The following GLIPR1 variants were observed in gnomAD, a reference collection of about 807,000 sequenced individuals.
GLIPR1 encodes glioma pathogenesis-related protein 1.
GLIPR1 carries 38 observed loss-of-function variants against 30.3 expected under a neutral mutation model. That is an observed-to-expected ratio of 1.26 (90% CI 0.97 to 1.65). The LOEUF is 1.65. Among genes scored for constraint, GLIPR1 ranks in the 40% most tolerant of loss-of-function variants. The probability of loss-of-function intolerance (pLI) is 0.00; values close to 1 mark genes in which losing one functional copy is unlikely to be tolerated. For missense variants in GLIPR1, 285 were observed against 326.5 expected, an observed-to-expected ratio of 0.87 and a Z score of 0.98; for synonymous variants, 122 against 110.6, an observed-to-expected ratio of 1.10 and a Z score of -0.65.
At position 75,500,433 on chromosome 12, in the gene GLIPR1, CAA is replaced by C. The variant is rs1275912038; in HGVS notation, c.*1458_*1459del. The C allele has an allele frequency of 6.6e-6, 1 of 151,780 alleles. No homozygotes were observed. The highest frequency in any genetic ancestry group is 2.4e-5 in the African/African-American group (1 of 41,338). The allele number at this position is 151,780 out of a possible 1,614,324, so 9.4% of individuals were successfully genotyped here. On this transcript the variant is annotated 3_prime_UTR_variant, in exon 6 of 6. Coordinates refer to ENST00000266659, the MANE Select transcript of GLIPR1 (RefSeq NM_006851.3). The stretch of plus-strand genomic sequence containing the variant: ...GGTCAAAATCTACTTCCTCTAATAT[CAA>C]AACGAAAATTTAAAGTTTTCCAAAT...
At chr12:75,487,332 T>C (rs2046297950) in intron 2 of GLIPR1, among the ~76,000 whole-genome samples, 1 of 152,154 alleles carries the variant, frequency 6.6e-6, no homozygotes, top group Non-Finnish European at 1.5e-5. Context: ...ACTTGAGATA[T>C]AGAATAAAAT....
rs773919757 is a variant in GLIPR1 at position 75,501,712 on chromosome 12, GAAAGC to G, written c.*2736_*2740del. ...AATTAATAAAGACTTTTACATCATA[GAAAGC>G]ATTACCTTCCTTAGGTTTCACAATT... On this transcript the variant is annotated 3_prime_UTR_variant, in exon 6 of 6. Coordinates refer to ENST00000266659, the MANE Select transcript of GLIPR1 (RefSeq NM_006851.3). 200 of 1,546,214 alleles carry G rather than the reference GAAAGC, an allele frequency of 1.3e-4. 1 individual carries two copies. The South Asian group carries it at 2.1e-3, about 17-fold the overall frequency.
intron 2 of GLIPR1, chr12:75,484,466 T>C (rs1242744197): frequency 6.6e-6 from 1 of 152,176 alleles, no homozygotes; most frequent in Non-Finnish European, 1.5e-5. Flanking sequence ...AGAGTTGAGG[T>C]TCAGATATTA....
At chr12:75,487,705 TC>T in intron 2 of GLIPR1, 1 of 452,394 alleles carries the variant, frequency 2.2e-6, no homozygotes, top group South Asian at 1.6e-5. Flanking sequence ...CAACCTCAGC[TC>T]CCCTCTTGCC....
At position 75,490,580 on chromosome 12, in the gene GLIPR1, CAACA is replaced by C. The variant is rs1269076555; in HGVS notation, c.533+65_533+68del. The C allele has an allele frequency of 2.1e-5, 5 of 237,568 alleles. 1 individual carries two copies. The highest frequency in any genetic ancestry group is 1.4e-4 in the African/African-American group (1 of 7,118). The allele number at this position is 237,568 out of a possible 1,614,324, so 14.7% of individuals were successfully genotyped here. On this transcript the variant is annotated intron_variant, in intron 3 of 5. Transcript: ENST00000266659. ...CCCCCCCCCCCGCAAAAAAAAACAA[CAACA>C]AAAAAAAACATTTTAGCAGTATTCC...
rs181937746 is a variant in GLIPR1 at position 75,483,476 on chromosome 12, G to A, written c.420+1397G>A. 7 of 152,286 alleles carry A rather than the reference G, an allele frequency of 4.6e-5. No individual in the cohort carries two copies. The East Asian group carries it at 1.3e-3, about 29-fold the overall frequency. The allele number at this position is 152,286 out of a possible 1,614,324, so 9.4% of individuals were successfully genotyped here. ...TAGTTTATGAGCTAACATTTTATTG[G>A]GATACAATCTTGGAGAAGCGGAAGT... On this transcript the variant is annotated intron_variant, in intron 2 of 5. Coordinates refer to ENST00000266659, the MANE Select transcript of GLIPR1 (RefSeq NM_006851.3).
intron 1 of GLIPR1, chr12:75,481,357 CTTTTT>C (rs72137011): frequency 7.1e-4 from 104 of 145,848 alleles, no homozygotes; most frequent in Middle Eastern, 2.8e-3. Context: ...ATTTGGTTTT[CTTTTT>C]TTTTTTTTTT....
In GLIPR1 at chr12:75,490,436, T is replaced by C; in HGVS notation, c.451T>C (p.Cys151Arg). The change falls in exon 3 of 6, where the codon TGC (cysteine) becomes CGC (arginine). Residue 151 changes from cysteine (C) to arginine (R), a missense_variant. Coordinates refer to ENST00000266659, the MANE Select transcript of GLIPR1 (RefSeq NM_006851.3). ...VVWADSYKVG[C>R]AVQFCPKVSG... ...TTGGGCAGATAGTTACAAAGTTGGC[T>C]GCGCAGTTCAATTTTGCCCTAAAGT... 6.2e-7 allele frequency: 1 copy of C among 1,604,172 alleles called. No individual in the cohort carries two copies. The highest frequency in any genetic ancestry group is 8.5e-7 in the Non-Finnish European group (1 of 1,171,936).
Position 75,499,568 on chromosome 12 carries a change from T to C in GLIPR1, c.*590T>C. On this transcript the variant is annotated 3_prime_UTR_variant, in exon 6 of 6. Transcript: ENST00000266659. ...CTAACCAATAGCATCAGACACTGGA[T>C]TTAATGGATAATCACAATGGTCGTA... is the stretch of plus-strand genomic sequence containing the variant. 4.1e-6 allele frequency: 1 copy of C among 242,730 alleles called. No homozygotes were observed. The highest frequency in any genetic ancestry group is 8.6e-5 in the East Asian group (1 of 11,644). The allele number at this position is 242,730 out of a possible 1,614,324, so 15.0% of individuals were successfully genotyped here. A position where few individuals can be genotyped will look rare whatever the true frequency, so the allele number is the denominator to read the frequency against.
chr12:75,484,669 G>GGGTTGTTCTCT (rs1221579132), intron 2 of GLIPR1: 3 of 152,200 alleles, frequency 2.0e-5, no homozygotes, highest in Non-Finnish European at 2.9e-5. Context: ...CAGTCAAAGG[G>GGGTTGTTCTCT]GGTTGTTCTC....
rs1025960658 is a variant in GLIPR1, at chr12:75,499,625, G to A, written c.*647G>A. 1.3e-4 allele frequency: 46 copies of A among 345,108 alleles called. No homozygotes were observed. Among genetic ancestry groups the A allele is most frequent in the Non-Finnish European group, 1.9e-4 (37 of 197,568 alleles). The allele number at this position is 345,108 out of a possible 1,614,324, so 21.4% of individuals were successfully genotyped here. A position where few individuals can be genotyped will look rare whatever the true frequency, so the allele number is the denominator to read the frequency against. Reference sequence around the variant, plus strand: ...ACAAAGACTTATATACCACTTTCTCGTATAAATTTTTCAAAAAATACAATA... The same window carrying A: ...ACAAAGACTTATATACCACTTTCTCATATAAATTTTTCAAAAAATACAATA... On this transcript the variant is annotated 3_prime_UTR_variant, in exon 6 of 6. Transcript: ENST00000266659.
chr12:75,493,702 G>A (rs149924807), intron 3 of GLIPR1: 2 of 152,218 alleles, frequency 1.3e-5, no homozygotes, highest in African/African-American at 4.8e-5. Flanking sequence ...TCTCTCTCAG[G>A]CTACCAGGGA....
Position 75,499,999 on chromosome 12 carries a change from A to C in GLIPR1, c.*1021A>C. On this transcript the variant is annotated 3_prime_UTR_variant, in exon 6 of 6. Coordinates refer to ENST00000266659, the MANE Select transcript of GLIPR1 (RefSeq NM_006851.3). ...ACATGTAATACTTTAGATTTTACCA[A>C]GTAAAACAAAGAATATATGTTTAAC... The C allele has an allele frequency of 7.1e-7, 1 of 1,412,904 alleles. No individual in the cohort carries two copies. The highest frequency in any genetic ancestry group is 9.6e-7 in the Non-Finnish European group (1 of 1,037,690). The allele number at this position is 1,412,904 out of a possible 1,614,324, so 87.5% of individuals were successfully genotyped here. A position where few individuals can be genotyped will look rare whatever the true frequency, so the allele number is the denominator to read the frequency against.
intron 2 of GLIPR1, among the ~76,000 whole-genome samples, chr12:75,488,024 T>C (rs918977647): frequency 2.0e-5 from 3 of 152,122 alleles, no homozygotes; most frequent in African/African-American, 4.8e-5. Context: ...TAAACTGTCA[T>C]GGTGGGAGTG....
Position 75,482,213 on chromosome 12 carries a change from A to G in GLIPR1, c.420+134A>G, listed in dbSNP as rs893583869. On this transcript the variant is annotated intron_variant, in intron 2 of 5. Coordinates refer to ENST00000266659, the MANE Select transcript of GLIPR1 (RefSeq NM_006851.3). The stretch of plus-strand genomic sequence containing the variant: ...AAGGGAGTTAAATAGAACAGCCTCC[A>G]AGAACAGAAAATAATGCTTGAAAAG... 6 of 786,014 alleles carry G rather than the reference A, an allele frequency of 7.6e-6. No individual in the cohort carries two copies. In the Admixed American group the frequency reaches 1.0e-4, roughly 14 times the overall value. 48.7% of individuals were successfully genotyped at this position (786,014 alleles called of 1,614,324 possible).
At position 75,501,837 on chromosome 12, in the gene GLIPR1, T is replaced by TA. The variant is rs2046396392; in HGVS notation, c.*2860dup. On this transcript the variant is annotated 3_prime_UTR_variant, in exon 6 of 6. Coordinates refer to ENST00000266659, the MANE Select transcript of GLIPR1 (RefSeq NM_006851.3). ...TTAGCCTACATTAATAAATAAAAAA[T>TA]ATATCAGTTAAATGTATTTATAGTT... 1.9e-6 allele frequency: 3 copies of TA among 1,573,902 alleles called. No individual in the cohort carries two copies. Among genetic ancestry groups the TA allele is most frequent in the Non-Finnish European group, 2.6e-6 (3 of 1,153,324 alleles).
At chr12:75,481,712 G>C in intron 1 of GLIPR1, 122 bp from the exon 2 acceptor site, 1 of 795,086 alleles carries the variant, frequency 1.3e-6, no homozygotes, top group Middle Eastern at 2.6e-4. Context: ...TATTTATAGA[G>C]GACTCATATG....
chr12:75,485,533 T>TTTTA (rs149298938), intron 2 of GLIPR1, among the ~76,000 whole-genome samples: 5,385 of 110,468 alleles, frequency 0.049, 339 homozygotes, highest in African/African-American at 0.15. Flanking sequence ...GACAGCTTTA[T>TTTTA]TTTATTTATT....
rs916272324 is a variant in GLIPR1 at position 75,503,535 on chromosome 12, C to T, written c.*4557C>T. Reference sequence around the variant, plus strand: ...TAACTTAGAAAAACGGTGGGTGTTACAATTTACAATTTAAGATTTCAGAAC... The same window carrying T: ...TAACTTAGAAAAACGGTGGGTGTTATAATTTACAATTTAAGATTTCAGAAC... On this transcript the variant is annotated 3_prime_UTR_variant, in exon 6 of 6. Transcript: ENST00000266659. 3 of 156,938 alleles carry T rather than the reference C, an allele frequency of 1.9e-5. No individual in the cohort carries two copies. Among genetic ancestry groups the T allele is most frequent in the African/African-American group, 7.2e-5 (3 of 41,614 alleles). 9.7% of individuals were successfully genotyped at this position (156,938 alleles called of 1,614,324 possible).
Sources: allele counts gnomAD v4.1 joint callset (sites outside exome capture counted in the v4.1 genomes callset), GRCh38; gene constraint gnomAD v4.1.1; transcripts MANE v1.5; gene names NCBI Gene and HGNC (gene_info 2026-07-23, HGNC 2026-07-21).